The following TPRG1 variants were observed in gnomAD, a reference collection of about 807,000 sequenced individuals.
TPRG1 encodes the protein tumor protein p63 regulated 1.
TPRG1 carries 29 observed loss-of-function variants against 29.3 expected under a neutral mutation model. That is an observed-to-expected ratio of 0.99 (90% confidence interval 0.74 to 1.35). The LOEUF is 1.35. TPRG1 is among the 40% of genes most tolerant of loss of function. The pLI, the probability that TPRG1 is intolerant of heterozygous loss-of-function variation, is 0.00. For synonymous variants in TPRG1, 130 were observed against 116.8 expected, an observed-to-expected ratio of 1.11 and a Z score of -0.73; for missense variants, 327 against 335.0, an observed-to-expected ratio of 0.98 and a Z score of 0.19.
chr3:189,185,282 A>G (rs1361475850), intron 1 of TPRG1, among the ~76,000 whole-genome samples: 7 of 151,974 alleles, frequency 4.6e-5, no homozygotes, highest in African/African-American at 1.7e-4. Flanking sequence ...GGAGTGCAGT[A>G]GCACAATCAC....
At chr3:189,173,342 CTT>C (rs5855241) in intron 1 of TPRG1, among the ~76,000 whole-genome samples, 7 of 113,618 alleles carry the variant, frequency 6.2e-5, no homozygotes, top group South Asian at 2.5e-4. Flanking sequence ...TTTTCTTCTT[CTT>C]TTTTTTTTTT....
intron 1 of TPRG1, among the ~76,000 whole-genome samples, chr3:189,195,693 A>T (rs1732422965): frequency 6.6e-6 from 1 of 152,184 alleles, no homozygotes; most frequent in Non-Finnish European, 1.5e-5. Context: ...ACAGCTGGGG[A>T]TCCCAGGGTT....
intron 4 of TPRG1, among the ~76,000 whole-genome samples, chr3:189,275,375 A>G (rs751517715): frequency 3.9e-5 from 6 of 152,316 alleles, no homozygotes; most frequent in Non-Finnish European, 5.9e-5. Flanking sequence ...ATACAGCTAT[A>G]TTATAAGGTG....
At chr3:189,014,439 A>AT in intron 3 of TPRG1, among the ~76,000 whole-genome samples, 1 of 151,592 alleles carries the variant, frequency 6.6e-6, no homozygotes, top group South Asian at 2.1e-4. Flanking sequence ...TGCCCTTAAC[A>AT]TTTTTTCTTT....
intron 4 of TPRG1, among the ~76,000 whole-genome samples, chr3:189,074,729 T>A (rs1245024659): frequency 1.3e-5 from 2 of 152,242 alleles, no homozygotes; most frequent in Admixed American, 1.3e-4. Context: ...TTATGCTTTT[T>A]AAAATATCTT....
intron 4 of TPRG1, among the ~76,000 whole-genome samples, chr3:189,273,644 G>A (rs575555907): frequency 2.0e-5 from 3 of 152,272 alleles, no homozygotes; most frequent in East Asian, 1.9e-4. Flanking sequence ...TTCCAAAAAA[G>A]CAGTGAATGC....
intron 4 of TPRG1, among the ~76,000 whole-genome samples, chr3:189,054,254 G>T (rs148198491): frequency 6.8e-4 from 103 of 152,206 alleles, no homozygotes; most frequent in African/African-American, 2.1e-3. Flanking sequence ...AGGATGACCA[G>T]TTGGTAGGAC....
At chr3:189,279,189 C>T (rs1392510716) in intron 4 of TPRG1, among the ~76,000 whole-genome samples, 1 of 152,104 alleles carries the variant, frequency 6.6e-6, no homozygotes, top group Non-Finnish European at 1.5e-5. Context: ...CAATAACAGG[C>T]AATGGGCTTG....
chr3:189,019,939 C>G (rs1489394006), intron 3 of TPRG1, among the ~76,000 whole-genome samples: 3 of 151,310 alleles, frequency 2.0e-5, no homozygotes, highest in Non-Finnish European at 4.4e-5. Flanking sequence ...AGAGATTCAA[C>G]TTCTTCCTGG....
intron 5 of TPRG1, among the ~76,000 whole-genome samples, chr3:189,316,508 A>ACCCC (rs1723552064): frequency 1.3e-5 from 2 of 152,174 alleles, no homozygotes; most frequent in Non-Finnish European, 2.9e-5. Flanking sequence ...CTCTTTACCC[A>ACCCC]GTGTAAACAG....
At chr3:189,245,024 G>C (rs150194718) in intron 4 of TPRG1, among the ~76,000 whole-genome samples, 2 of 152,014 alleles carry the variant, frequency 1.3e-5, no homozygotes, top group East Asian at 1.9e-4. Flanking sequence ...GAGTTCAAGC[G>C]ATTCTCCTGC....
chr3:189,093,152 GAAAAA>G (rs995452730), intron 4 of TPRG1, among the ~76,000 whole-genome samples: 6 of 151,688 alleles, frequency 4.0e-5, no homozygotes, highest in Admixed American at 2.6e-4. Flanking sequence ...GAGAGAATAA[GAAAAA>G]AGAAGAAATA....
chr3:189,021,868 C>G (rs1443656374), intron 3 of TPRG1, among the ~76,000 whole-genome samples: 2 of 152,192 alleles, frequency 1.3e-5, no homozygotes, highest in Non-Finnish European at 2.9e-5. Flanking sequence ...TTCAGGTACA[C>G]CAATGAGACG....
intron 4 of TPRG1, among the ~76,000 whole-genome samples, chr3:189,037,947 C>T (rs943987673): frequency 6.7e-6 from 1 of 150,306 alleles, no homozygotes; most frequent in Non-Finnish European, 1.5e-5. Context: ...CAGAGATAAA[C>T]CATGTTCATG....
At chr3:189,108,545 T>C (rs764173809) in intron 1 of TPRG1, among the ~76,000 whole-genome samples, 2 of 151,834 alleles carry the variant, frequency 1.3e-5, no homozygotes, top group Admixed American at 6.6e-5. Context: ...TTTTTTTTTT[T>C]CGCCTCGGAA....
chr3:189,005,689 T>C, intron 3 of TPRG1, among the ~76,000 whole-genome samples: 1 of 152,128 alleles, frequency 6.6e-6, no homozygotes, highest in East Asian at 1.9e-4. Flanking sequence ...CATTTTGAGT[T>C]GAGAAGGAAA....
intron 4 of TPRG1, among the ~76,000 whole-genome samples, chr3:189,297,230 C>T (rs1720092592): frequency 6.6e-6 from 1 of 152,116 alleles, no homozygotes; most frequent in African/African-American, 2.4e-5. Context: ...ATCTGCCTGC[C>T]TCATCATCCC....
intron 4 of TPRG1, among the ~76,000 whole-genome samples, chr3:189,248,233 T>C (rs758864164): frequency 2.4e-4 from 37 of 152,030 alleles, no homozygotes; most frequent in South Asian, 1.5e-3. Flanking sequence ...TTCAGTCATT[T>C]ATGTCTTATT....
intron 3 of TPRG1, among the ~76,000 whole-genome samples, chr3:189,014,389 C>G (rs992653824): frequency 3.9e-5 from 6 of 152,270 alleles, no homozygotes; most frequent in African/African-American, 1.4e-4. Context: ...TGTTAGTCTA[C>G]TGGGCCCCCA....
Sources: gnomAD v4.1 joint callset for allele counts (sites outside exome capture counted in the v4.1 genomes callset) on GRCh38, gnomAD v4.1.1 for gene constraint, MANE v1.5 for transcripts, NCBI Gene and HGNC (gene_info 2026-07-23, HGNC 2026-07-21) for gene names.